The following PRKN variants were observed in gnomAD, a reference collection of about 807,000 sequenced individuals.
PRKN encodes E3 ubiquitin-protein ligase parkin.
In PRKN, 56 loss-of-function variants were observed where a neutral mutation model predicts 59.5. The ratio of observed to expected loss-of-function variants is 0.94; its 90% confidence interval spans 0.76 to 1.18. The LOEUF (loss-of-function observed/expected upper bound fraction) is 1.18, where lower values mean the gene tolerates loss of function less well. Ranked by LOEUF, PRKN falls within the 50% of genes most tolerant of loss-of-function variation. The probability of loss-of-function intolerance (pLI) is 0.00; values close to 1 mark genes in which losing one functional copy is unlikely to be tolerated. For synonymous variants in PRKN, 250 were observed against 222.1 expected, an observed-to-expected ratio of 1.13 and a Z score of -1.12; for missense variants, 657 against 596.4, an observed-to-expected ratio of 1.10 and a Z score of -1.06.
intron 6 of PRKN, among the ~76,000 whole-genome samples, chr6:161,925,772 G>C (rs754279613): frequency 4.6e-5 from 7 of 152,102 alleles, no homozygotes; most frequent in Non-Finnish European, 1.0e-4. Context: ...ATGATGTTTA[G>C]GAGATTCAAT....
intron 1 of PRKN, among the ~76,000 whole-genome samples, chr6:162,459,359 AG>A (rs1469760285): frequency 6.6e-6 from 1 of 152,222 alleles, no homozygotes; most frequent in Non-Finnish European, 1.5e-5. Flanking sequence ...TATTAGTACA[AG>A]AAATTACCAC....
intron 3 of PRKN, among the ~76,000 whole-genome samples, chr6:162,256,503 C>A (rs1779644244): frequency 1.3e-5 from 2 of 152,076 alleles, no homozygotes; most frequent in South Asian, 4.1e-4. Context: ...AGCAGCCTGC[C>A]TGCATTTTTG....
In PRKN at chr6:161,554,403, T is replaced by TAC. The variant is rs57551959; in HGVS notation, c.934-5402_934-5401dup. The stretch of plus-strand genomic sequence containing the variant: ...TAACCTTCATGTTATCTTACTTCTA[T>TAC]ACACACACACACACACACACACACA... On this transcript the variant is annotated intron_variant, in intron 8 of 11. Coordinates refer to ENST00000366898, the MANE Select transcript of PRKN (RefSeq NM_004562.3). The surrounding 1 kb of genome is among the most constrained non-coding windows in gnomAD (Gnocchi z 4.5). Among the ~76,000 whole-genome samples the TAC allele has an allele frequency of 0.023, 3,360 of 146,396 alleles. 93 individuals carry two copies. The highest frequency in any genetic ancestry group is 0.064 in the African/African-American group (2,543 of 39,830).
chr6:162,478,064 C>G (rs1031882216), intron 1 of PRKN, among the ~76,000 whole-genome samples: 1 of 152,140 alleles, frequency 6.6e-6, no homozygotes, highest in Admixed American at 6.5e-5. Context: ...ACATGGTTAT[C>G]CACGGTGAGA....
In PRKN at chr6:162,054,073, A is replaced by G; in HGVS notation, c.618+18T>C. The G allele has an allele frequency of 6.7e-7, 1 of 1,503,238 alleles. No individual in the cohort carries two copies. Among genetic ancestry groups the G allele is most frequent in the Non-Finnish European group, 9.3e-7 (1 of 1,078,560 alleles). The allele number at this position is 1,503,238 out of a possible 1,614,324, so 93.1% of individuals were successfully genotyped here. A position where few individuals can be genotyped will look rare whatever the true frequency, so the allele number is the denominator to read the frequency against. On this transcript the variant is annotated intron_variant, in intron 5 of 11. Coordinates refer to ENST00000366898, the MANE Select transcript of PRKN (RefSeq NM_004562.3). ...CATTTTCTTGCAATAAGAGGAATGA[A>G]TGTGACCAGGTACTTACTGCACTAG...
chr6:162,447,101 A>C (rs948450097), intron 1 of PRKN, among the ~76,000 whole-genome samples: 2 of 152,190 alleles, frequency 1.3e-5, no homozygotes, highest in Non-Finnish European at 2.9e-5. Context: ...ATGTATTAGA[A>C]AATCTCAGAA....
At chr6:162,634,111 A>G (rs939672469) in intron 1 of PRKN, among the ~76,000 whole-genome samples, 1 of 152,120 alleles carries the variant, frequency 6.6e-6, no homozygotes, top group African/African-American at 2.4e-5. Flanking sequence ...CAAAGTTCCC[A>G]GAACAGCCTG....
intron 1 of PRKN, among the ~76,000 whole-genome samples, chr6:162,671,063 A>T (rs1005124238): frequency 7.9e-5 from 12 of 152,228 alleles, no homozygotes; most frequent in African/African-American, 2.9e-4. Context: ...ACCAAGTATA[A>T]TCTTATCTAT....
At chr6:161,972,090 A>G (rs1289043206) in intron 6 of PRKN, among the ~76,000 whole-genome samples, 1 of 152,044 alleles carries the variant, frequency 6.6e-6, no homozygotes, top group African/African-American at 2.4e-5. Context: ...CCTGACCAAT[A>G]TGAAGAAACC....
At chr6:162,389,458 A>G (rs1787048280) in intron 2 of PRKN, among the ~76,000 whole-genome samples, 1 of 152,212 alleles carries the variant, frequency 6.6e-6, no homozygotes, top group Admixed American at 6.5e-5. Context: ...GATTAAAAGA[A>G]ATAAAAAACC....
At chr6:162,173,499 G>A (rs80264358) in intron 4 of PRKN, among the ~76,000 whole-genome samples, 1,825 of 151,482 alleles carry the variant, frequency 0.012, 45 homozygotes, top group African/African-American at 0.041. Flanking sequence ...TGTGGAGTGC[G>A]TCCTGGACAT....
At chr6:161,513,803 A>C (rs951928105) in intron 9 of PRKN, among the ~76,000 whole-genome samples, 3 of 152,112 alleles carry the variant, frequency 2.0e-5, no homozygotes, top group Non-Finnish European at 4.4e-5. Context: ...AGGTGGGCTT[A>C]TCTCCCAGAT....
chr6:161,494,380 G>C (rs558180920), intron 9 of PRKN, among the ~76,000 whole-genome samples: 1 of 152,256 alleles, frequency 6.6e-6, no homozygotes, highest in African/African-American at 2.4e-5. Flanking sequence ...AGGTGTCCAC[G>C]TCAGCTGAGA....
intron 7 of PRKN, among the ~76,000 whole-genome samples, chr6:161,701,823 G>A (rs1786264337): frequency 6.6e-6 from 1 of 152,072 alleles, no homozygotes; most frequent in Non-Finnish European, 1.5e-5. Context: ...AACATATTAT[G>A]GGAACAGAAA....
rs1302668302 is a variant in PRKN, at chr6:161,369,289, G to A, written c.1168-9084C>T. Among the ~76,000 whole-genome samples the A allele has an allele frequency of 6.6e-6, 1 of 152,188 alleles. No individual in the cohort carries two copies. Among genetic ancestry groups the A allele is most frequent in the Non-Finnish European group, 1.5e-5 (1 of 68,036 alleles). On this transcript the variant is annotated intron_variant, in intron 10 of 11. Transcript: ENST00000366898. The surrounding 1 kb of genome is among the most constrained non-coding windows in gnomAD (Gnocchi z 5.8). ...ATCCCAAGGCTTGTGTCCAGACTCT[G>A]GAGATTGGGATTCAGTAGGTCTGTG...
In PRKN at chr6:161,793,786, T is replaced by C. The variant is rs1158560918; in HGVS notation, c.735-7878A>G. 2.0e-5 allele frequency among the ~76,000 whole-genome samples: 3 copies of C among 152,260 alleles called. No homozygotes were observed. The East Asian group carries it at 5.8e-4, about 29-fold the overall frequency. ...GAACAAACTAAATGGCTTTTCCTGT[T>C]TATAAAGGTTTTTAACAAATTACTA... is the stretch of plus-strand genomic sequence containing the variant. On this transcript the variant is annotated intron_variant, in intron 6 of 11. Coordinates refer to ENST00000366898, the MANE Select transcript of PRKN (RefSeq NM_004562.3).
At chr6:162,717,380 T>C (rs575448637) in intron 1 of PRKN, among the ~76,000 whole-genome samples, 1 of 151,922 alleles carries the variant, frequency 6.6e-6, no homozygotes, top group Non-Finnish European at 1.5e-5. Flanking sequence ...AGTTCAAGAC[T>C]AGTCTGGGCA....
chr6:162,092,246 T>G (rs2128296540), intron 4 of PRKN, among the ~76,000 whole-genome samples: 1 of 152,174 alleles, frequency 6.6e-6, no homozygotes, highest in Non-Finnish European at 1.5e-5. Context: ...TCCCAGCTAC[T>G]CGGGAGGCTG....
At chr6:161,387,930 G>A (rs745511640) in intron 9 of PRKN, among the ~76,000 whole-genome samples, 1 of 152,166 alleles carries the variant, frequency 6.6e-6, no homozygotes, top group Admixed American at 6.5e-5. Context: ...TTCACCATGG[G>A]ACTGAAGACG....
Sources: gnomAD v4.1 joint callset for allele counts (sites outside exome capture counted in the v4.1 genomes callset) on GRCh38, gnomAD v4.1.1 for gene constraint, Gnocchi (gnomAD v3.1) non-coding constraint, MANE v1.5 for transcripts, NCBI Gene and HGNC (gene_info 2026-07-23, HGNC 2026-07-21) for gene names.